The following EPB41L2 variants were observed in gnomAD, a reference collection of about 807,000 sequenced individuals.
EPB41L2 encodes erythrocyte membrane protein band 4.1 like 2, also known as band 4.1-like protein 2.
A neutral mutation model predicts 113.0 loss-of-function variants in EPB41L2; 43 were observed. That is an observed-to-expected ratio of 0.38 (90% CI 0.30 to 0.49). EPB41L2 has a LOEUF of 0.49. EPB41L2 is among the 20% of genes least tolerant of loss of function. EPB41L2 has a pLI of 0.95. For synonymous variants in EPB41L2, 442 were observed against 436.7 expected (o/e 1.01, Z -0.15); for missense variants, 1,147 against 1,223.4 (o/e 0.94, Z 0.93).
At chr6:130,857,326 T>C (rs1780555633) in intron 19 of EPB41L2, among the ~76,000 whole-genome samples, 1 of 152,198 alleles carries the variant, frequency 6.6e-6, no homozygotes. Context: ...AGTTTACTCA[T>C]TTAATTCTCT....
chr6:130,921,437 G>A (rs879477564), intron 4 of EPB41L2, among the ~76,000 whole-genome samples: 54 of 152,078 alleles, frequency 3.6e-4, no homozygotes, highest in Non-Finnish European at 7.4e-4. Context: ...GAAAACACGA[G>A]TCCCTACCTC....
intron 1 of EPB41L2, among the ~76,000 whole-genome samples, chr6:131,021,768 A>G (rs1295128420): frequency 6.6e-6 from 1 of 152,196 alleles, no homozygotes; most frequent in Non-Finnish European, 1.5e-5. Flanking sequence ...AAACCCTATG[A>G]AGTAAAAACT....
At chr6:131,017,246 A>C (rs1788446501) in intron 1 of EPB41L2, among the ~76,000 whole-genome samples, 2 of 152,204 alleles carry the variant, frequency 1.3e-5, no homozygotes, top group Non-Finnish European at 2.9e-5. Context: ...ATACCACTGG[A>C]CTAGGAGCAG....
rs1018603846 is a variant in EPB41L2 at position 130,872,482 on chromosome 6, G to A, written c.2044-2356C>T. ...TGGCTGAAGTGAAGGTGGCTTTCAT[G>A]CTATCAGAAAAGCCCTTTTCACTAA... On this transcript the variant is annotated intron_variant, in intron 14 of 19. Coordinates refer to ENST00000337057, the MANE Select transcript of EPB41L2 (RefSeq NM_001431.4). 6 of 1,289,254 alleles carry A rather than the reference G, an allele frequency of 4.7e-6. No homozygotes were observed. The African/African-American group carries it at 9.1e-5, about 20-fold the overall frequency. 79.9% of individuals were successfully genotyped at this position (1,289,254 alleles called of 1,614,324 possible).
chr6:130,957,401 G>A (rs191605497), intron 1 of EPB41L2, among the ~76,000 whole-genome samples: 1 of 152,346 alleles, frequency 6.6e-6, no homozygotes, highest in East Asian at 1.9e-4. Flanking sequence ...GGGGCCTGCG[G>A]AGATAGCCGA....
intron 3 of EPB41L2, among the ~76,000 whole-genome samples, chr6:130,951,312 CTTTTTTT>C (rs34082234): frequency 9.8e-5 from 5 of 50,818 alleles, no homozygotes; most frequent in African/African-American, 1.3e-4. Flanking sequence ...AGCCTCAGTA[CTTTTTTT>C]TTTTTTTTTT....
At chr6:131,062,045 G>A (rs1467509066) in intron 1 of EPB41L2, among the ~76,000 whole-genome samples, 1 of 152,036 alleles carries the variant, frequency 6.6e-6, no homozygotes, top group Admixed American at 6.6e-5. Flanking sequence ...TCCACCCAGG[G>A]ATCTTAAAAT....
At chr6:131,025,342 C>G (rs1790611896) in intron 1 of EPB41L2, among the ~76,000 whole-genome samples, 1 of 152,150 alleles carries the variant, frequency 6.6e-6, no homozygotes, top group South Asian at 2.1e-4. Context: ...AACCAACATC[C>G]TAAGGAACTT....
At chr6:131,023,733 A>G (rs1278499848) in intron 1 of EPB41L2, among the ~76,000 whole-genome samples, 3 of 87,948 alleles carry the variant, frequency 3.4e-5, no homozygotes, top group Non-Finnish European at 5.4e-5. Context: ...GTGTGTGTAT[A>G]TATATCTATA....
Position 130,872,442 on chromosome 6 carries a change from C to G in EPB41L2, c.2044-2316G>C. The G allele has an allele frequency of 2.3e-6, 3 of 1,289,402 alleles. 1 individual carries two copies. The South Asian group carries it at 3.7e-5, about 16-fold the overall frequency. 79.9% of individuals were successfully genotyped at this position (1,289,402 alleles called of 1,614,324 possible). Reference sequence around the variant, plus strand: ...GCATTAGCGCTCACAACAGCGCCCTCTGCTGTCCAAGTGGTGGCTGAAGTG... The same window carrying G: ...GCATTAGCGCTCACAACAGCGCCCTGTGCTGTCCAAGTGGTGGCTGAAGTG... On this transcript the variant is annotated intron_variant, in intron 14 of 19. Coordinates refer to ENST00000337057, the MANE Select transcript of EPB41L2 (RefSeq NM_001431.4).
intron 1 of EPB41L2, among the ~76,000 whole-genome samples, chr6:131,049,569 G>T (rs1796140081): frequency 6.6e-6 from 1 of 152,152 alleles, no homozygotes; most frequent in African/African-American, 2.4e-5. Context: ...ACAGAGTACT[G>T]GGAAACAGTA....
chr6:130,939,797 T>C (rs1810173086), intron 3 of EPB41L2, among the ~76,000 whole-genome samples: 1 of 152,226 alleles, frequency 6.6e-6, no homozygotes, highest in Non-Finnish European at 1.5e-5. Flanking sequence ...AGCCTAATGG[T>C]AACTTTGACA....
chr6:130,873,260 A>T (rs1377142017), intron 14 of EPB41L2, among the ~76,000 whole-genome samples: 3 of 152,242 alleles, frequency 2.0e-5, no homozygotes, highest in Non-Finnish European at 4.4e-5. Context: ...CTCAATGAGC[A>T]ACGTGAAAAT....
chr6:130,899,360 T>A (rs2275065), intron 8 of EPB41L2, 131 bp downstream of exon 8: 35,006 of 689,684 alleles, frequency 0.051, 1,529 homozygotes, highest in African/African-American at 0.14. Flanking sequence ...CAAGGAAATA[T>A]TCCAGAGACC....
rs753526042 is a variant in EPB41L2 at position 130,869,987 on chromosome 6, G to A, written c.2183C>T (p.Pro728Leu). ...SGPGEIRKVE[P>L]VTQKDSTSLS... ...GGAGGTGGAGTCTTTTTGTGTCACA[G>A]GCTCCACCTTACGAATCTCCCCAGG... Residue 728 changes from proline to leucine, a missense_variant, in exon 15 of 20, where the codon CCT becomes CTT. Pro to Leu is a moderately conservative substitution (Grantham distance 98). Transcript: ENST00000337057. 5.6e-6 allele frequency: 9 copies of A among 1,613,544 alleles called. No homozygotes were observed. Among genetic ancestry groups the A allele is most frequent in the African/African-American group, 1.3e-5 (1 of 74,814 alleles).
chr6:130,875,172 G>C (rs1011167496), intron 14 of EPB41L2, among the ~76,000 whole-genome samples: 1 of 152,026 alleles, frequency 6.6e-6, no homozygotes, highest in African/African-American at 2.4e-5. Context: ...ACCCTGCTAC[G>C]TGTTCTGATG....
chr6:130,880,162 A>G lies in EPB41L2; in HGVS notation c.1878T>C (p.His626=). 1 of 1,608,496 alleles carries G rather than the reference A, an allele frequency of 6.2e-7. No homozygotes were observed. Among genetic ancestry groups the G allele is most frequent in the East Asian group, 2.2e-5 (1 of 44,846 alleles). Residue 626 remains histidine, a synonymous_variant, in exon 13 of 20, where the codon CAT becomes CAC. Transcript: ENST00000337057. The stretch of plus-strand genomic sequence containing the variant: ...TACAAACCTCCAACATTAAATTGCT[A>G]TGTCTGACATAAATATTATCCCCTT... The part of the protein sequence containing the change: ...RVEGDNIYVR[H]SNLMLEELDK...
intron 1 of EPB41L2, among the ~76,000 whole-genome samples, chr6:131,002,604 A>T (rs1411806758): frequency 1.3e-5 from 2 of 152,252 alleles, no homozygotes; most frequent in Non-Finnish European, 2.9e-5. Flanking sequence ...GGCATGTGAG[A>T]TGATAGTTAC....
intron 1 of EPB41L2, among the ~76,000 whole-genome samples, chr6:131,048,151 A>AAAAAG (rs1795843031): frequency 7.4e-6 from 1 of 134,440 alleles, no homozygotes; most frequent in African/African-American, 2.6e-5. Flanking sequence ...AAAAAAAAAA[A>AAAAAG]AAAAAAGAAA....
Sources: allele counts gnomAD v4.1 joint callset (sites outside exome capture counted in the v4.1 genomes callset), GRCh38; gene constraint gnomAD v4.1.1; transcripts MANE v1.5; gene names NCBI Gene and HGNC (gene_info 2026-07-23, HGNC 2026-07-21).